Variants in CEMIP observed in about 807,000 individuals in gnomAD.
The protein encoded by CEMIP is cell migration inducing hyaluronidase 1.
Under a neutral mutation model 156.9 loss-of-function variants are expected in CEMIP, and 105 were observed. That is an observed-to-expected ratio of 0.67 (90% CI 0.57 to 0.79). CEMIP has a LOEUF of 0.79. Ranked by LOEUF, CEMIP falls within the 30% of genes least tolerant of loss-of-function variation. CEMIP has a pLI of 0.00. For missense variants in CEMIP, 1,457 were observed against 1,769.4 expected (o/e 0.82, Z 3.17); for synonymous variants, 676 against 668.4 (o/e 1.01, Z -0.17).
chr15:80,789,363 T>G (rs996112943), intron 1 of CEMIP, among the ~76,000 whole-genome samples: 1 of 152,222 alleles, frequency 6.6e-6, no homozygotes, highest in East Asian at 1.9e-4. Context: ...TTCCCTTCCT[T>G]TTCGGAGAGG....
chr15:80,865,110 C>A (rs1217032576), intron 1 of CEMIP, among the ~76,000 whole-genome samples: 1 of 152,186 alleles, frequency 6.6e-6, no homozygotes, highest in Admixed American at 6.5e-5. Context: ...AATGTAGTAG[C>A]CCCTAACCAT....
intron 1 of CEMIP, among the ~76,000 whole-genome samples, chr15:80,789,567 GA>G (rs76420215): frequency 0.035 from 5,386 of 152,098 alleles, 133 homozygotes; most frequent in Non-Finnish European, 0.049. Flanking sequence ...TTGCTTAAAT[GA>G]TTTTTTTTTT....
At chr15:80,842,689 G>A (rs1596127716) in intron 1 of CEMIP, among the ~76,000 whole-genome samples, 1 of 152,114 alleles carries the variant, frequency 6.6e-6, no homozygotes, top group East Asian at 1.9e-4. Flanking sequence ...CCGTGATTGT[G>A]CCATTGCACT....
At chr15:80,837,433 C>G (rs1897293805) in intron 1 of CEMIP, among the ~76,000 whole-genome samples, 1 of 152,158 alleles carries the variant, frequency 6.6e-6, no homozygotes, top group African/African-American at 2.4e-5. Flanking sequence ...TTCTTTATGG[C>G]AACCTGGTAC....
intron 1 of CEMIP, among the ~76,000 whole-genome samples, chr15:80,790,978 G>T (rs1194343844): frequency 1.3e-5 from 2 of 152,188 alleles, no homozygotes; most frequent in Non-Finnish European, 2.9e-5. Flanking sequence ...AAACTACTTT[G>T]CTGGGGAAAG....
intron 10 of CEMIP, among the ~76,000 whole-genome samples, chr15:80,894,499 A>G (rs1286415428): frequency 6.6e-6 from 1 of 152,204 alleles, no homozygotes; most frequent in African/African-American, 2.4e-5. Context: ...TTCAAAGTCC[A>G]GATGTCCATG....
chr15:80,930,536 T>C (rs182383762), intron 21 of CEMIP, among the ~76,000 whole-genome samples: 4 of 152,158 alleles, frequency 2.6e-5, no homozygotes, highest in African/African-American at 9.7e-5. Flanking sequence ...AACCTAAGTA[T>C]AGAGCTAGTA....
In CEMIP at chr15:80,936,850, C is replaced by T. The variant is rs745812845; in HGVS notation, c.3186C>T (p.Pro1062=). Residue 1062 remains proline, a synonymous_variant, in exon 24 of 30, where the codon CCC becomes CCT. Coordinates refer to ENST00000394685, the MANE Select transcript of CEMIP (RefSeq NM_001293298.2). ...GYTIHWDQTA[P]AELAIWLINF... Reference sequence around the variant, plus strand: ...CCATCCACTGGGACCAGACGGCCCCCGCCGAACTCGCCATCTGGCTCATCA... The same window carrying T: ...CCATCCACTGGGACCAGACGGCCCCTGCCGAACTCGCCATCTGGCTCATCA... 27 of 1,614,076 alleles carry T rather than the reference C, an allele frequency of 1.7e-5. No individual in the cohort carries two copies. The highest frequency in any genetic ancestry group is 2.7e-5 in the African/African-American group (2 of 74,940).
In CEMIP at chr15:80,878,752, G is replaced by C. The variant is rs964468215; in HGVS notation, c.126G>C (p.Glu42Asp). The change falls in exon 4 of 30, where the codon GAG becomes GAC. Residue 42 changes from glutamate to aspartate, a missense_variant. This residue lies in a region of CEMIP where 309 missense variants were observed against 340.8 expected (regional missense o/e 0.91). Transcript: ENST00000394685. ...CTGGGTGCCCTGACCAGAGCCCTGA[G>C]TTGCAACCCTGGAACCCTGGCCATG... is the stretch of plus-strand genomic sequence containing the variant. ...VAAGCPDQSPELQPWNPGHDQ... is the reference protein window; with the variant it reads ...VAAGCPDQSPDLQPWNPGHDQ... 1.2e-6 allele frequency: 2 copies of C among 1,614,178 alleles called. No individual in the cohort carries two copies. The highest frequency in any genetic ancestry group is 1.7e-4 in the Middle Eastern group (1 of 6,060).
chr15:80,948,924 A>G lies in CEMIP; in HGVS notation c.4086A>G (p.Ter1362TrpextTer11), dbSNP rs752605764. Residue 1362 changes from the stop codon to tryptophan (W), a stop_lost, in exon 30 of 30, where the codon TGA becomes TGG. Coordinates refer to ENST00000394685, the MANE Select transcript of CEMIP (RefSeq NM_001293298.2). The part of the protein sequence containing the change: ...PIPVVKKKKL[*>W] ...CTGTGGTGAAGAAGAAGAAGTTGTGAGGACAGCTGCCGCCCGGTGCCACCT... is the reference window on the plus strand; with the variant it reads ...CTGTGGTGAAGAAGAAGAAGTTGTGGGGACAGCTGCCGCCCGGTGCCACCT... 6.2e-7 allele frequency: 1 copy of G among 1,614,220 alleles called. No individual in the cohort carries two copies. The highest frequency in any genetic ancestry group is 1.1e-5 in the South Asian group (1 of 91,088).
At chr15:80,874,734 A>C (rs1266203939) in intron 3 of CEMIP, among the ~76,000 whole-genome samples, 3 of 152,238 alleles carry the variant, frequency 2.0e-5, no homozygotes, top group Non-Finnish European at 2.9e-5. Context: ...CTGATCAGAT[A>C]ATCCAAACTT....
At chr15:80,898,951 A>G (rs1361391356) in intron 12 of CEMIP, among the ~76,000 whole-genome samples, 2 of 152,194 alleles carry the variant, frequency 1.3e-5, no homozygotes, top group Non-Finnish European at 2.9e-5. Context: ...GCGGTGGCTC[A>G]CGTCTGTAAT....
At chr15:80,933,510 C>A in intron 23 of CEMIP, 50 bp downstream of exon 23, 3 of 1,431,724 alleles carry the variant, frequency 2.1e-6, no homozygotes, top group Non-Finnish European at 2.0e-6. Context: ...ACTCATGCAA[C>A]AAGCATTCAG....
intron 29 of CEMIP, 152 bp from the exon 30 acceptor site, chr15:80,948,645 G>A (rs1901672282): frequency 2.0e-6 from 2 of 1,021,614 alleles, no homozygotes; most frequent in Non-Finnish European, 3.0e-6. Flanking sequence ...ATCAGTAGCT[G>A]AGCACAGAGC....
intron 1 of CEMIP, among the ~76,000 whole-genome samples, chr15:80,861,382 G>A (rs189020291): frequency 6.6e-6 from 1 of 152,298 alleles, no homozygotes; most frequent in African/African-American, 2.4e-5. Context: ...ACTTTGCACT[G>A]AAGGTGCTTC....
chr15:80,815,836 G>C (rs1376201137), intron 1 of CEMIP, among the ~76,000 whole-genome samples: 5 of 152,230 alleles, frequency 3.3e-5, no homozygotes, highest in Admixed American at 2.0e-4. Context: ...TGATAAACAT[G>C]TCAGAATGAC....
intron 7 of CEMIP, among the ~76,000 whole-genome samples, chr15:80,887,109 C>G (rs1186198594): frequency 6.6e-6 from 1 of 152,172 alleles, no homozygotes; most frequent in African/African-American, 2.4e-5. Context: ...TAAAGCAGCA[C>G]GTGCTTTCAT....
intron 12 of CEMIP, among the ~76,000 whole-genome samples, chr15:80,900,463 A>C (rs1445286045): frequency 6.6e-6 from 1 of 150,730 alleles, no homozygotes; most frequent in Non-Finnish European, 1.5e-5. Context: ...ACCCCAGCCT[A>C]CCTCCCTCCC....
intron 1 of CEMIP, among the ~76,000 whole-genome samples, chr15:80,863,387 G>C (rs937522480): frequency 5.3e-5 from 8 of 152,214 alleles, no homozygotes; most frequent in Non-Finnish European, 1.0e-4. Flanking sequence ...GGTGTGCCAA[G>C]CTACTGAACT....
Sources: gnomAD v4.1 joint callset for allele counts (sites outside exome capture counted in the v4.1 genomes callset) on GRCh38, gnomAD v4.1.1 for gene constraint, gnomAD v4.1.1 regional missense constraint, MANE v1.5 for transcripts, NCBI Gene and HGNC (gene_info 2026-07-23, HGNC 2026-07-21) for gene names.